Variants in SYT5 observed in about 807,000 individuals in gnomAD.
The protein encoded by SYT5 is synaptotagmin-5.
SYT5 carries 29 observed loss-of-function variants against 36.0 expected under a neutral mutation model. That is an observed-to-expected ratio of 0.81 (90% confidence interval 0.60 to 1.10). The LOEUF is 1.10. Ranked by LOEUF, SYT5 falls within the 50% of genes least tolerant of loss-of-function variation. The probability of loss-of-function intolerance (pLI) is 0.00; values close to 1 mark genes in which losing one functional copy is unlikely to be tolerated. For missense variants in SYT5, 512 were observed against 516.0 expected, an observed-to-expected ratio of 0.99 and a Z score of 0.08; for synonymous variants, 231 against 227.6, an observed-to-expected ratio of 1.02 and a Z score of -0.14.
At chr19:55,174,721 T>A in intron 7 of SYT5, 71 bp from the exon 8 acceptor site, 1 of 1,607,134 alleles carries the variant, frequency 6.2e-7, no homozygotes, top group Non-Finnish European at 8.5e-7. Context: ...AAACACTGCC[T>A]ACACCCTTCG....
At position 55,180,134 on chromosome 19, in the gene SYT5, G is replaced by C. The variant is rs897532203; in HGVS notation, c.-63C>G. ...GCTCCTACCTGCTCGGCGGCTGGACGGGACACTCCCGGGAGACGCCGAGGC... is the reference window on the plus strand; with the variant it reads ...GCTCCTACCTGCTCGGCGGCTGGACCGGACACTCCCGGGAGACGCCGAGGC... On this transcript the variant is annotated 5_prime_UTR_variant, in exon 1 of 9. Transcript: ENST00000354308. The C allele has an allele frequency of 6.6e-6, 1 of 152,382 alleles. No individual in the cohort carries two copies. Among genetic ancestry groups the C allele is most frequent in the Non-Finnish European group, 1.5e-5 (1 of 68,172 alleles). 9.4% of individuals were successfully genotyped at this position (152,382 alleles called of 1,614,324 possible).
Position 55,175,005 on chromosome 19 carries a change from A to G in SYT5, c.709-6T>C. ...ATGTCCCCAAGCTTCTCCTGCTGAAAGGAGAGGGGCCCATCACCAGAGCCC... is the reference window on the plus strand; with the variant it reads ...ATGTCCCCAAGCTTCTCCTGCTGAAGGGAGAGGGGCCCATCACCAGAGCCC... On this transcript the variant is annotated splice_polypyrimidine_tract_variant and splice_region_variant and intron_variant, in intron 6 of 8. Transcript: ENST00000354308. This position sits in a 1 kb window ranked among gnomAD's most constrained non-coding sequence, Gnocchi z 4.5. The G allele has an allele frequency of 6.2e-7, 1 of 1,612,318 alleles. No homozygotes were observed.
At position 55,175,061 on chromosome 19, in the gene SYT5, C is replaced by T. The variant is rs547293268; in HGVS notation, c.709-62G>A. 1 of 1,600,798 alleles carries T rather than the reference C, an allele frequency of 6.2e-7. No homozygotes were observed. The highest frequency in any genetic ancestry group is 1.3e-5 in the African/African-American group (1 of 74,780). On this transcript the variant is annotated intron_variant, in intron 6 of 8. Transcript: ENST00000354308. This position sits in a 1 kb window ranked among gnomAD's most constrained non-coding sequence, Gnocchi z 4.5. ...CCACATCCATGCCTCCTCAGGGGTA[C>T]AATCCACGCCGCCCTGAGGGTCTGG...
Position 55,174,933 on chromosome 19 carries a change from T to G in SYT5, c.775A>C (p.Ile259Leu). 1 of 1,614,184 alleles carries G rather than the reference T, an allele frequency of 6.2e-7. No individual in the cohort carries two copies. Among genetic ancestry groups the G allele is most frequent in the Non-Finnish European group, 8.5e-7 (1 of 1,180,010 alleles). The change falls in exon 7 of 9, where the codon ATC becomes CTC. Residue 259 changes from isoleucine to leucine, a missense_variant. Coordinates refer to ENST00000354308, the MANE Select transcript of SYT5 (RefSeq NM_003180.3). ...YVPTAGKLTV[I>L]VLEAKNLKKM... Reference sequence around the variant, plus strand: ...TTCAGGTTTTTAGCCTCCAGGACGATGACGGTGAGCTTCCCGGCCGTGGGG... The same window carrying G: ...TTCAGGTTTTTAGCCTCCAGGACGAGGACGGTGAGCTTCCCGGCCGTGGGG...
Position 55,173,390 on chromosome 19 carries a change from A to C in SYT5, c.*94T>G. 1 of 1,049,038 alleles carries C rather than the reference A, an allele frequency of 9.5e-7. No homozygotes were observed. The highest frequency in any genetic ancestry group is 1.2e-6 in the Non-Finnish European group (1 of 807,222). The allele number at this position is 1,049,038 out of a possible 1,614,324, so 65.0% of individuals were successfully genotyped here. Reference sequence around the variant, plus strand: ...TGGGGGGAGGGTAACCGTCAGAGGAAGCTTAAGGGTGGGGCTGGCTTGGCT... The same window carrying C: ...TGGGGGGAGGGTAACCGTCAGAGGACGCTTAAGGGTGGGGCTGGCTTGGCT... On this transcript the variant is annotated 3_prime_UTR_variant, in exon 9 of 9. Coordinates refer to ENST00000354308, the MANE Select transcript of SYT5 (RefSeq NM_003180.3). The surrounding 1 kb of genome is among the most constrained non-coding windows in gnomAD (Gnocchi z 5.4).
intron 3 of SYT5, 168 bp from the exon 4 acceptor site, chr19:55,176,292 C>G: frequency 1.2e-6 from 1 of 845,482 alleles, no homozygotes; most frequent in Non-Finnish European, 1.8e-6. Context: ...AGGAAATAGA[C>G]GTGGTAACAC....
rs1223884069 is a variant in SYT5, at chr19:55,178,204, T to C, written c.244A>G (p.Ile82Val). The C allele has an allele frequency of 2.1e-5, 33 of 1,607,392 alleles. No individual in the cohort carries two copies. Among genetic ancestry groups the C allele is most frequent in the Non-Finnish European group, 2.5e-5 (29 of 1,177,240 alleles). Residue 82 changes from isoleucine (I) to valine (V), a missense_variant, in exon 3 of 9, where the codon ATA becomes GTA. Coordinates refer to ENST00000354308, the MANE Select transcript of SYT5 (RefSeq NM_003180.3). ...QEVKGLGQSYIDKVQPEVEEL... is the reference protein window; with the variant it reads ...QEVKGLGQSYVDKVQPEVEEL... ...GCTGGGCTGGGCCACACCTTGTCTA[T>C]GTAACTCTGGCCCAGCCCCTTCACT...
chr19:55,175,745 C>T lies in SYT5; in HGVS notation c.504G>A (p.Thr168=). ...AGGTCTCCCCAAAGTGAGGGTTCAG[C>T]GTCTGCCGATGCACCTTGGTCTCGT... ...RRYETKVHRQ[T]LNPHFGETFA... The change falls in exon 5 of 9, where the codon ACG becomes ACA. Residue 168 remains threonine (T), a synonymous_variant. Transcript: ENST00000354308. The surrounding 1 kb of genome is among the most constrained non-coding windows in gnomAD (Gnocchi z 4.5). 6.2e-7 allele frequency: 1 copy of T among 1,614,038 alleles called. No homozygotes were observed. Among genetic ancestry groups the T allele is most frequent in the East Asian group, 2.2e-5 (1 of 44,868 alleles).
At position 55,173,505 on chromosome 19, in the gene SYT5, C is replaced by T; in HGVS notation, c.1140G>A (p.Val380=). 8 of 1,378,138 alleles carry T rather than the reference C, an allele frequency of 5.8e-6. No homozygotes were observed. The highest frequency in any genetic ancestry group is 7.5e-6 in the Non-Finnish European group (8 of 1,064,710). 85.4% of individuals were successfully genotyped at this position (1,378,138 alleles called of 1,614,324 possible). Residue 380 remains valine (V), a synonymous_variant, in exon 9 of 9, where the codon GTG becomes GTA. Coordinates refer to ENST00000354308, the MANE Select transcript of SYT5 (RefSeq NM_003180.3). This position sits in a 1 kb window ranked among gnomAD's most constrained non-coding sequence, Gnocchi z 5.4. ...GGAGTCAGGGCGCAGGCAGCAGCCT[C>T]ACTCGGTCCGGGGGCCGCAGCGAGT... ...QWHSLRPPDR[V]RLLPAP
chr19:55,173,713 G>C lies in SYT5; in HGVS notation c.961-29C>G. ...GGGTGGGCGCGGGAGGAAGAGGAGA[G>C]AGGAGCGTGAGGGGAGGAGGCCCCG... On this transcript the variant is annotated intron_variant, in intron 8 of 8. Transcript: ENST00000354308. This position sits in a 1 kb window ranked among gnomAD's most constrained non-coding sequence, Gnocchi z 5.4. 7.5e-7 allele frequency: 1 copy of C among 1,341,402 alleles called. No homozygotes were observed. Among genetic ancestry groups the C allele is most frequent in the Non-Finnish European group, 9.6e-7 (1 of 1,039,144 alleles). The allele number at this position is 1,341,402 out of a possible 1,614,324, so 83.1% of individuals were successfully genotyped here. A position where few individuals can be genotyped will look rare whatever the true frequency, so the allele number is the denominator to read the frequency against.
At chr19:55,176,287 A>G in intron 3 of SYT5, 163 bp from the exon 4 acceptor site, 1 of 910,590 alleles carries the variant, frequency 1.1e-6, no homozygotes. Context: ...CAGGCAGGAA[A>G]TAGACGTGGT....
Position 55,175,239 on chromosome 19 carries a change from A to T in SYT5, c.641T>A (p.Met214Lys). 1 of 1,611,150 alleles carries T rather than the reference A, an allele frequency of 6.2e-7. No homozygotes were observed. Among genetic ancestry groups the T allele is most frequent in the Non-Finnish European group, 8.5e-7 (1 of 1,179,160 alleles). The stretch of plus-strand genomic sequence containing the variant: ...TGGCCGCCCCAGGTCCACGGAGCTC[A>T]TAGGGACCCGCACCTCCCCGATGGC... ...NDAIGEVRVPMSSVDLGRPVQ... is the reference protein window; with the variant it reads ...NDAIGEVRVPKSSVDLGRPVQ... Residue 214 changes from methionine to lysine, a missense_variant, in exon 6 of 9, where the codon ATG (methionine) becomes AAG (lysine). By Grantham distance (95) the Met-to-Lys change is moderately conservative. Transcript: ENST00000354308. This position sits in a 1 kb window ranked among gnomAD's most constrained non-coding sequence, Gnocchi z 4.5.
Position 55,175,905 on chromosome 19 carries a change from TG to T in SYT5, c.373-30del. The T allele has an allele frequency of 6.2e-7, 1 of 1,613,182 alleles. No individual in the cohort carries two copies. Among genetic ancestry groups the T allele is most frequent in the Non-Finnish European group, 8.5e-7 (1 of 1,179,588 alleles). ...CAGGGCCCAGGCACAGTGGGGGAGG[TG>T]GGGAACACTAGTCTTAGCCTCCCTT... On this transcript the variant is annotated intron_variant, in intron 4 of 8. Coordinates refer to ENST00000354308, the MANE Select transcript of SYT5 (RefSeq NM_003180.3). The surrounding 1 kb of genome is among the most constrained non-coding windows in gnomAD (Gnocchi z 4.5).
rs1041017817 is a variant in SYT5, at chr19:55,179,501, G to C, written c.-45-415C>G. 1 of 293,692 alleles carries C rather than the reference G, an allele frequency of 3.4e-6. No homozygotes were observed. The highest frequency in any genetic ancestry group is 5.2e-5 in the Admixed American group (1 of 19,118). The allele number at this position is 293,692 out of a possible 1,614,324, so 18.2% of individuals were successfully genotyped here. The stretch of plus-strand genomic sequence containing the variant: ...ACGGGCGGGGCTGACGCACAGACGC[G>C]GAGTCCCGGCGGGGCAGGCTCGCTC... On this transcript the variant is annotated intron_variant, in intron 1 of 8. Coordinates refer to ENST00000354308, the MANE Select transcript of SYT5 (RefSeq NM_003180.3). The surrounding 1 kb of genome is among the most constrained non-coding windows in gnomAD (Gnocchi z 4.5).
Position 55,172,227 on chromosome 19 carries a change from T to C in SYT5, c.*1257A>G, listed in dbSNP as rs916583433. 11 of 152,052 alleles carry C rather than the reference T, an allele frequency of 7.2e-5. No homozygotes were observed. The highest frequency in any genetic ancestry group is 5.9e-4 in the Admixed American group (9 of 15,242). The allele number at this position is 152,052 out of a possible 1,614,324, so 9.4% of individuals were successfully genotyped here. A position where few individuals can be genotyped will look rare whatever the true frequency, so the allele number is the denominator to read the frequency against. ...CGAGGTCAGGAGATCGAGATCATCC[T>C]GGCTAACACGGTGAAATGCCGTCTC... On this transcript the variant is annotated 3_prime_UTR_variant, in exon 9 of 9. Coordinates refer to ENST00000354308, the MANE Select transcript of SYT5 (RefSeq NM_003180.3).
At position 55,173,476 on chromosome 19, in the gene SYT5, G is replaced by A; in HGVS notation, c.*8C>T. 2.2e-6 allele frequency: 3 copies of A among 1,357,748 alleles called. No homozygotes were observed. The highest frequency in any genetic ancestry group is 2.8e-6 in the Non-Finnish European group (3 of 1,056,162). 84.1% of individuals were successfully genotyped at this position (1,357,748 alleles called of 1,614,324 possible). A position where few individuals can be genotyped will look rare whatever the true frequency, so the allele number is the denominator to read the frequency against. On this transcript the variant is annotated 3_prime_UTR_variant, in exon 9 of 9. Coordinates refer to ENST00000354308, the MANE Select transcript of SYT5 (RefSeq NM_003180.3). The surrounding 1 kb of genome is among the most constrained non-coding windows in gnomAD (Gnocchi z 5.4). Reference sequence around the variant, plus strand: ...AGTCCAGGCTTGGCCGGGGGCTTGGGGTGGGAGTCAGGGCGCAGGCAGCAG... The same window carrying A: ...AGTCCAGGCTTGGCCGGGGGCTTGGAGTGGGAGTCAGGGCGCAGGCAGCAG...
Position 55,179,003 on chromosome 19 carries a change from G to T in SYT5, c.39C>A (p.Pro13=). The change falls in exon 2 of 9, where the codon CCC becomes CCA. Residue 13 remains proline (P), a synonymous_variant. Coordinates refer to ENST00000354308, the MANE Select transcript of SYT5 (RefSeq NM_003180.3). The surrounding 1 kb of genome is among the most constrained non-coding windows in gnomAD (Gnocchi z 4.5). The part of the protein sequence containing the change: ...PEPPTPGPPS[P]DTPPDSSRIS... ...TGCGACTGGAGTCGGGAGGCGTGTC[G>T]GGCGATGGAGGCCCCGGGGTTGGGG... 6.3e-7 allele frequency: 1 copy of T among 1,595,080 alleles called. No individual in the cohort carries two copies.
chr19:55,178,347 G>A lies in SYT5; in HGVS notation c.101C>T (p.Thr34Ile). The A allele has an allele frequency of 6.2e-7, 1 of 1,611,780 alleles. No individual in the cohort carries two copies. The highest frequency in any genetic ancestry group is 2.2e-5 in the East Asian group (1 of 44,786). ...HGPVPPWALA[T>I]IVLVSGLLIF... is the part of the protein sequence containing the mutation. ...GAGGAGGCCTGAGACCAGCACGATGGTGGCCAGGGCCCAGGGGGGCACTGC... is the reference window on the plus strand; with the variant it reads ...GAGGAGGCCTGAGACCAGCACGATGATGGCCAGGGCCCAGGGGGGCACTGC... Residue 34 changes from threonine (T) to isoleucine (I), a missense_variant, in exon 3 of 9, where the codon ACC becomes ATC. Physicochemically the swap from Thr to Ile is moderately conservative, Grantham distance 89. Transcript: ENST00000354308.
At chr19:55,177,065 T>C (rs1254920376) in intron 3 of SYT5, 2 of 152,540 alleles carry the variant, frequency 1.3e-5, no homozygotes, top group African/African-American at 4.8e-5. Flanking sequence ...CCAATGCAAA[T>C]GTCTTTTATC....
Sources: gnomAD v4.1 joint callset for allele counts on GRCh38, gnomAD v4.1.1 for gene constraint, Gnocchi (gnomAD v3.1) non-coding constraint, MANE v1.5 for transcripts, NCBI Gene and HGNC (gene_info 2026-07-23, HGNC 2026-07-21) for gene names.